Variants in ACOXL observed in about 807,000 individuals in gnomAD.
The protein encoded by ACOXL is acyl-coenzyme A oxidase-like protein.
ACOXL carries 70 observed loss-of-function variants against 71.9 expected under a neutral mutation model. The observed-to-expected ratio is 0.97, with a 90% confidence interval of 0.80 to 1.19. The LOEUF is 1.19. Ranked by LOEUF, ACOXL falls within the 50% of genes most tolerant of loss-of-function variation. The probability of loss-of-function intolerance (pLI) is 0.00; values close to 1 mark genes in which losing one functional copy is unlikely to be tolerated. For synonymous variants in ACOXL, 253 were observed against 281.6 expected (o/e 0.90, Z 1.02); for missense variants, 703 against 736.3 (o/e 0.95, Z 0.52).
At chr2:110,823,127 C>A (rs1271457692) in intron 9 of ACOXL, among the ~76,000 whole-genome samples, 1 of 152,036 alleles carries the variant, frequency 6.6e-6, no homozygotes, top group East Asian at 1.9e-4. Flanking sequence ...GTGGCATGCA[C>A]CTGTAATCCC....
chr2:111,061,954 G>A (rs1184435664), intron 16 of ACOXL, among the ~76,000 whole-genome samples: 1 of 151,432 alleles, frequency 6.6e-6, no homozygotes, highest in Admixed American at 6.6e-5. Context: ...AGAACAAACA[G>A]AAAACAAGAA....
intron 12 of ACOXL, among the ~76,000 whole-genome samples, chr2:110,951,860 A>G (rs563797380): frequency 2.0e-5 from 3 of 152,328 alleles, no homozygotes; most frequent in South Asian, 2.1e-4. Context: ...GTGTGTATTT[A>G]AAAAGCTGCT....
At chr2:110,820,109 T>G (rs1367540355) in intron 9 of ACOXL, among the ~76,000 whole-genome samples, 1 of 152,122 alleles carries the variant, frequency 6.6e-6, no homozygotes, top group Non-Finnish European at 1.5e-5. Context: ...CCCTAGTCAG[T>G]AAGAGGCAGA....
At chr2:110,882,606 G>T (rs2149100846) in intron 10 of ACOXL, among the ~76,000 whole-genome samples, 1 of 152,112 alleles carries the variant, frequency 6.6e-6, no homozygotes, top group African/African-American at 2.4e-5. Context: ...TATAGTTTTA[G>T]GTTTTACATT....
chr2:111,045,885 A>C (rs899373658), intron 15 of ACOXL, among the ~76,000 whole-genome samples: 3 of 151,976 alleles, frequency 2.0e-5, no homozygotes, highest in African/African-American at 2.4e-5. Flanking sequence ...CACTGGACTG[A>C]AGTGTGGCCT....
intron 3 of ACOXL, among the ~76,000 whole-genome samples, chr2:110,789,577 T>C (rs1281620352): frequency 2.0e-5 from 3 of 151,910 alleles, no homozygotes; most frequent in African/African-American, 7.3e-5. Flanking sequence ...TGAAGAGAGG[T>C]GCTGCTTTTT....
intron 12 of ACOXL, among the ~76,000 whole-genome samples, chr2:110,949,776 A>G (rs2061254455): frequency 6.6e-6 from 1 of 152,142 alleles, no homozygotes; most frequent in Non-Finnish European, 1.5e-5. Flanking sequence ...TATTATCCTT[A>G]TAGTTTTCCC....
chr2:111,049,349 G>T, intron 16 of ACOXL, 61 bp downstream of exon 16: 4 of 1,310,536 alleles, frequency 3.1e-6, no homozygotes, highest in Non-Finnish European at 4.4e-6. Context: ...TTGCCCTGAG[G>T]AGAGTTTCAT....
chr2:111,011,669 GC>G (rs2064164442), intron 14 of ACOXL, among the ~76,000 whole-genome samples: 1 of 152,086 alleles, frequency 6.6e-6, no homozygotes, highest in African/African-American at 2.4e-5. Context: ...GATCGCTTGA[GC>G]CCAGGAGTTT....
At chr2:110,817,828 TCA>T (rs1398556493) in intron 9 of ACOXL, among the ~76,000 whole-genome samples, 2 of 152,306 alleles carry the variant, frequency 1.3e-5, no homozygotes, top group African/African-American at 4.8e-5. Flanking sequence ...GAGAATGATG[TCA>T]CAGTTTTCAT....
intron 2 of ACOXL, among the ~76,000 whole-genome samples, chr2:110,774,038 T>C (rs1378318610): frequency 6.6e-6 from 1 of 152,210 alleles, no homozygotes; most frequent in African/African-American, 2.4e-5. Context: ...CCATTCTGCA[T>C]TAAAAAACAC....
chr2:111,078,869 T>G (rs1301338296), intron 16 of ACOXL, among the ~76,000 whole-genome samples: 1 of 152,226 alleles, frequency 6.6e-6, no homozygotes, highest in Non-Finnish European at 1.5e-5. Context: ...TAGCAGGCTA[T>G]GTACCTGGTT....
chr2:110,789,600 T>C (rs1035984604), intron 3 of ACOXL, among the ~76,000 whole-genome samples: 5 of 152,162 alleles, frequency 3.3e-5, no homozygotes, highest in African/African-American at 1.2e-4. Context: ...TCCTCTTCTT[T>C]AAAGGCACCA....
At chr2:110,906,184 T>A (rs62159554) in intron 10 of ACOXL, among the ~76,000 whole-genome samples, 2 of 152,050 alleles carry the variant, frequency 1.3e-5, no homozygotes, top group African/African-American at 2.4e-5. Flanking sequence ...AATATTGAGC[T>A]TATGGTGGCC....
intron 16 of ACOXL, among the ~76,000 whole-genome samples, chr2:111,058,386 T>C (rs2066649740): frequency 6.6e-6 from 1 of 152,188 alleles, no homozygotes; most frequent in African/African-American, 2.4e-5. Flanking sequence ...CCCAGACTTT[T>C]CAGCACACAG....
At chr2:110,821,063 G>A (rs1325948273) in intron 9 of ACOXL, among the ~76,000 whole-genome samples, 1 of 152,094 alleles carries the variant, frequency 6.6e-6, no homozygotes, top group Non-Finnish European at 1.5e-5. Flanking sequence ...GGCAAGAACG[G>A]CTGTTGTACC....
chr2:111,108,739 C>T (rs1329269768), intron 17 of ACOXL, among the ~76,000 whole-genome samples: 3 of 152,170 alleles, frequency 2.0e-5, no homozygotes, highest in African/African-American at 7.2e-5. Flanking sequence ...CTGTATAATG[C>T]AGATCTCAGT....
At chr2:111,068,823 G>A (rs892873533) in intron 16 of ACOXL, among the ~76,000 whole-genome samples, 1 of 152,074 alleles carries the variant, frequency 6.6e-6, no homozygotes, top group South Asian at 2.1e-4. Flanking sequence ...AGCTCATTCT[G>A]GCCTTTCTTT....
chr2:110,964,461 A>G (rs2061840754), intron 12 of ACOXL, among the ~76,000 whole-genome samples: 1 of 152,238 alleles, frequency 6.6e-6, no homozygotes. Flanking sequence ...ATACAAAAAC[A>G]TACAGTTATG....
Sources: gnomAD v4.1 joint callset for allele counts (sites outside exome capture counted in the v4.1 genomes callset) on GRCh38, gnomAD v4.1.1 for gene constraint, MANE v1.5 for transcripts, NCBI Gene and HGNC (gene_info 2026-07-23, HGNC 2026-07-21) for gene names.